The following LMF1 variants were observed in gnomAD, a reference collection of about 807,000 sequenced individuals.
LMF1 encodes transmembrane protein 112.
Under a neutral mutation model 60.6 loss-of-function variants are expected in LMF1, and 68 were observed. That is an observed-to-expected ratio of 1.12 (90% confidence interval 0.92 to 1.37). The LOEUF (loss-of-function observed/expected upper bound fraction) is 1.37. Among genes scored for constraint, LMF1 ranks in the 40% most tolerant of loss-of-function variants. The pLI is 0.00. For synonymous variants in LMF1, 418 were observed against 324.7 expected (o/e 1.29, Z -3.09); for missense variants, 948 against 767.2 (o/e 1.24, Z -2.78).
intron 4 of LMF1, 114 bp downstream of exon 4, chr16:910,817 G>T: frequency 7.3e-7 from 1 of 1,361,612 alleles, no homozygotes; most frequent in Non-Finnish European, 1.0e-6. Flanking sequence ...CAGGCCGACA[G>T]GAGGACAGAG....
rs28630869 is a variant in LMF1 at position 889,202 on chromosome 16, A to G, written c.729+3805T>C. Among the ~76,000 whole-genome samples the G allele has an allele frequency of 1.7e-3, 254 of 152,290 alleles. 1 individual carries two copies. The highest frequency in any genetic ancestry group is 5.3e-3 in the African/African-American group (221 of 41,578). The stretch of plus-strand genomic sequence containing the variant: ...GTTGTCAGGAGTTTCAGGCAGAGCC[A>G]CCCGGTCGCCTTTCACCCTCCAGGG... On this transcript the variant is annotated intron_variant, in intron 5 of 10. Transcript: ENST00000262301.
At chr16:973,796 C>T (rs897513755), upstream of LMF1, among the ~76,000 whole-genome samples, 15 of 152,090 alleles carry the variant, frequency 9.9e-5, no homozygotes, top group Admixed American at 2.6e-4. Context: ...GTCAGGAGAT[C>T]GAGACCATCC....
intron 5 of LMF1, among the ~76,000 whole-genome samples, chr16:882,920 A>G (rs2070205063): frequency 6.6e-6 from 1 of 150,670 alleles, no homozygotes; most frequent in Non-Finnish European, 1.5e-5. Context: ...ACCAGGAGAA[A>G]GAGGAGCTGC....
upstream of LMF1, among the ~76,000 whole-genome samples, chr16:972,257 T>G (rs1419614840): frequency 6.6e-6 from 1 of 152,164 alleles, no homozygotes; most frequent in Non-Finnish European, 1.5e-5. Flanking sequence ...TTCTTTTCTA[T>G]GAAACCCCCC....
intron 6 of LMF1, among the ~76,000 whole-genome samples, chr16:877,709 C>T (rs973844869): frequency 4.6e-5 from 7 of 152,126 alleles, no homozygotes; most frequent in African/African-American, 1.7e-4. Context: ...TGCTGTGGGA[C>T]CCCAGACCCA....
chr16:979,728 G>C (rs533920608), intron 1 of LMF1: 2 of 454,026 alleles, frequency 4.4e-6, no homozygotes, highest in Admixed American at 2.3e-5. Context: ...GTCCTCACCC[G>C]GATGGCACTG....
chr16:902,596 G>A (rs1292016968), intron 4 of LMF1: 56 of 170,434 alleles, frequency 3.3e-4, no homozygotes, highest in Non-Finnish European at 5.5e-4. Flanking sequence ...CTGCCTGTGG[G>A]GACGCCCGTC....
intron 3 of LMF1, among the ~76,000 whole-genome samples, chr16:914,681 C>CA: frequency 9.4e-5 from 1 of 10,658 alleles, no homozygotes; most frequent in Non-Finnish European, 2.4e-4. Context: ...CCCTCCCTCC[C>CA]ATGACCATTG....
rs908758813 is a variant in LMF1 at position 897,626 on chromosome 16, T to C, written c.664-4554A>G. ...AGCAGCTGCAGGGGTCTCAGACTTG[T>C]TGCAACAGCCACTGCTTCTCCCCGA... On this transcript the variant is annotated intron_variant, in intron 4 of 10. Coordinates refer to ENST00000262301, the MANE Select transcript of LMF1 (RefSeq NM_022773.4). The surrounding 1 kb of genome is among the most constrained non-coding windows in gnomAD (Gnocchi z 4.3). 6.6e-6 allele frequency among the ~76,000 whole-genome samples: 1 copy of C among 152,158 alleles called. No homozygotes were observed. The highest frequency in any genetic ancestry group is 1.5e-5 in the Non-Finnish European group (1 of 68,018).
At position 874,734 on chromosome 16, in the gene LMF1, G is replaced by A. The variant is rs945238101; in HGVS notation, c.898-3393C>T. Reference sequence around the variant, plus strand: ...GAACCAGGACGGGATCCGGGGAGGCGGCGCTCAGATGGGAACACACGGAAC... The same window carrying A: ...GAACCAGGACGGGATCCGGGGAGGCAGCGCTCAGATGGGAACACACGGAAC... On this transcript the variant is annotated intron_variant, in intron 6 of 10. Transcript: ENST00000262301. The surrounding 1 kb of genome is among the most constrained non-coding windows in gnomAD (Gnocchi z 4.1). 6.6e-6 allele frequency among the ~76,000 whole-genome samples: 1 copy of A among 151,802 alleles called. No individual in the cohort carries two copies. The highest frequency in any genetic ancestry group is 2.1e-4 in the South Asian group (1 of 4,812).
At chr16:969,874 C>T (rs929263117) in intron 1 of LMF1, among the ~76,000 whole-genome samples, 2 of 152,248 alleles carry the variant, frequency 1.3e-5, no homozygotes, top group Non-Finnish European at 2.9e-5. Flanking sequence ...CTCTTCCAAA[C>T]CAGTTCTGGG....
At chr16:888,996 C>CCT (rs1372270127) in intron 5 of LMF1, among the ~76,000 whole-genome samples, 1 of 152,206 alleles carries the variant, frequency 6.6e-6, no homozygotes, top group Non-Finnish European at 1.5e-5. Flanking sequence ...GGCTCTGGTC[C>CCT]CTCTGCCGGC....
At chr16:879,379 C>A (rs1029736889) in intron 6 of LMF1, among the ~76,000 whole-genome samples, 191 bp downstream of exon 6, 1 of 152,118 alleles carries the variant, frequency 6.6e-6, no homozygotes, top group Non-Finnish European at 1.5e-5. Flanking sequence ...GGAAGGAGAC[C>A]CTCAGCCTGC....
intron 3 of LMF1, among the ~76,000 whole-genome samples, chr16:924,818 A>G (rs1411330673): frequency 6.6e-6 from 1 of 152,272 alleles, no homozygotes; most frequent in East Asian, 1.9e-4. Context: ...AAATTCTGAT[A>G]GATAAAACCA....
In LMF1 at chr16:924,042, C is replaced by T. The variant is rs114535681; in HGVS notation, c.514+10202G>A. Among the ~76,000 whole-genome samples the T allele has an allele frequency of 2.5e-3, 377 of 152,296 alleles. 4 individuals carry two copies. Among genetic ancestry groups the T allele is most frequent in the African/African-American group, 8.5e-3 (354 of 41,554 alleles). On this transcript the variant is annotated intron_variant, in intron 3 of 10. Coordinates refer to ENST00000262301, the MANE Select transcript of LMF1 (RefSeq NM_022773.4). ...TGAAGAGTTATTAGAAAAAAAGTTA[C>T]TATAGTTCACTATTTGGCTCAGCAG...
chr16:890,248 G>A (rs13332843), intron 5 of LMF1, among the ~76,000 whole-genome samples: 60,988 of 152,094 alleles, frequency 0.4, 13,978 homozygotes, highest in African/African-American at 0.62. Flanking sequence ...TGCTCTGAAC[G>A]CTCGCTACTC....
intron 2 of LMF1, among the ~76,000 whole-genome samples, chr16:953,277 G>A (rs367969508): frequency 6.1e-5 from 2 of 32,536 alleles, no homozygotes; most frequent in Non-Finnish European, 5.8e-5. Context: ...CCTCCTACAC[G>A]TCCACACAGA....
At chr16:920,463 C>G (rs2071402639) in intron 3 of LMF1, among the ~76,000 whole-genome samples, 1 of 152,240 alleles carries the variant, frequency 6.6e-6, no homozygotes, top group African/African-American at 2.4e-5. Context: ...CTCCAGAGCA[C>G]AAATGCCCCT....
chr16:966,178 T>A (rs953706252), intron 1 of LMF1, among the ~76,000 whole-genome samples: 8 of 152,066 alleles, frequency 5.3e-5, no homozygotes, highest in African/African-American at 1.9e-4. Context: ...CAGGAAGAGA[T>A]GCCTCACGTG....
Sources: allele counts gnomAD v4.1 joint callset (sites outside exome capture counted in the v4.1 genomes callset), GRCh38; gene constraint gnomAD v4.1.1; non-coding constraint Gnocchi (gnomAD v3.1); transcripts MANE v1.5; gene names NCBI Gene and HGNC (gene_info 2026-07-23, HGNC 2026-07-21).